ALG5: variants seen among roughly 807,000 people sequenced by gnomAD.
The protein encoded by ALG5 is dolichyl-phosphate beta-glucosyltransferase.
ALG5 carries 26 observed loss-of-function variants against 51.8 expected under a neutral mutation model. The ratio of observed to expected loss-of-function variants is 0.50; its 90% CI spans 0.37 to 0.70. The LOEUF is 0.70. Ranked by LOEUF, ALG5 falls within the 30% of genes least tolerant of loss-of-function variation. The pLI is 0.00. For missense variants in ALG5, 311 were observed against 399.3 expected (o/e 0.78, Z 1.88); for synonymous variants, 141 against 136.1 (o/e 1.04, Z -0.25).
intron 6 of ALG5, among the ~76,000 whole-genome samples, chr13:36,984,277 T>C (rs2058992512): frequency 6.6e-6 from 1 of 152,004 alleles, no homozygotes; most frequent in Non-Finnish European, 1.5e-5. Context: ...TTTTCTCTTA[T>C]TTTTACAGAG....
At chr13:36,983,944 A>G (rs1233946476) in intron 6 of ALG5, among the ~76,000 whole-genome samples, 1 of 151,972 alleles carries the variant, frequency 6.6e-6, no homozygotes, top group Non-Finnish European at 1.5e-5. Flanking sequence ...GGGGCCTTAT[A>G]TGTTTACCTT....
At chr13:36,980,237 T>C (rs1194117943) in intron 6 of ALG5, among the ~76,000 whole-genome samples, 2 of 151,900 alleles carry the variant, frequency 1.3e-5, no homozygotes, top group East Asian at 1.9e-4. Context: ...TTTGAAAAAA[T>C]TTTTTATTAT....
intron 5 of ALG5, among the ~76,000 whole-genome samples, chr13:36,988,874 G>A (rs2059013486): frequency 6.6e-6 from 1 of 152,016 alleles, no homozygotes; most frequent in Non-Finnish European, 1.5e-5. Context: ...TTTTATGAGG[G>A]AAAAATAAAT....
At chr13:36,963,450 C>A (rs1209862829) in intron 8 of ALG5, among the ~76,000 whole-genome samples, 1 of 150,854 alleles carries the variant, frequency 6.6e-6, no homozygotes, top group Non-Finnish European at 1.5e-5. Context: ...TTTCTAAATT[C>A]TTCCTTTCAA....
intron 4 of ALG5, among the ~76,000 whole-genome samples, chr13:36,993,072 A>T (rs758154398): frequency 3.9e-5 from 6 of 152,194 alleles, no homozygotes; most frequent in Non-Finnish European, 5.9e-5. Flanking sequence ...CAAGTGTCCA[A>T]TGTGGCTTTC....
chr13:36,954,181 G>C (rs2058830042), intron 8 of ALG5, among the ~76,000 whole-genome samples: 1 of 152,064 alleles, frequency 6.6e-6, no homozygotes, highest in African/African-American at 2.4e-5. Context: ...CAACCTCCCT[G>C]GACTCAGGTG....
intron 6 of ALG5, among the ~76,000 whole-genome samples, chr13:36,976,122 C>T (rs1178359898): frequency 6.6e-6 from 1 of 151,598 alleles, no homozygotes; most frequent in East Asian, 1.9e-4. Flanking sequence ...TTTAGCTATC[C>T]ATATTTTCTT....
chr13:36,985,187 C>T (rs1469803134), intron 6 of ALG5, among the ~76,000 whole-genome samples: 1 of 151,930 alleles, frequency 6.6e-6, no homozygotes, highest in Non-Finnish European at 1.5e-5. Flanking sequence ...CCTCAACCTC[C>T]ACTTTTTGAA....
intron 8 of ALG5, among the ~76,000 whole-genome samples, chr13:36,957,371 A>G (rs1036445327): frequency 1.3e-5 from 2 of 151,914 alleles, no homozygotes; most frequent in Non-Finnish European, 2.9e-5. Context: ...TGTAGGACAG[A>G]AAAGGCCCAA....
At chr13:36,959,306 T>TTAA in intron 8 of ALG5, among the ~76,000 whole-genome samples, 1 of 152,202 alleles carries the variant, frequency 6.6e-6, no homozygotes, top group Non-Finnish European at 1.5e-5. Context: ...GTGATTATAG[T>TTAA]TAATAATAAT....
intron 4 of ALG5, among the ~76,000 whole-genome samples, chr13:36,991,600 C>G (rs1428351965): frequency 6.6e-6 from 1 of 151,928 alleles, no homozygotes; most frequent in African/African-American, 2.4e-5. Flanking sequence ...ATTGGTCTAA[C>G]TCCTCTTTGC....
chr13:36,999,280 C>T lies in ALG5; in HGVS notation c.21G>A (p.Gln7=), dbSNP rs1593692666. The T allele has an allele frequency of 1.3e-6, 2 of 1,580,132 alleles. No homozygotes were observed. The highest frequency in any genetic ancestry group is 3.6e-5 in the Admixed American group (2 of 55,080). The change falls in exon 1 of 10, where the codon CAG becomes CAA. Residue 7 remains glutamine (Q), a synonymous_variant. Coordinates refer to ENST00000239891, the MANE Select transcript of ALG5 (RefSeq NM_013338.5). MAPLLL[Q]LAVLGAALAA... ...CCAGCGCCGCGCCGAGCACCGCCAG[C>T]TGCAACAGAAGCGGAGCCATTCTCC...
At chr13:36,956,344 G>A (rs2058839584) in intron 8 of ALG5, among the ~76,000 whole-genome samples, 1 of 152,196 alleles carries the variant, frequency 6.6e-6, no homozygotes, top group Admixed American at 6.5e-5. Flanking sequence ...CTGGTGAGGA[G>A]GTGGAGAAGT....
At chr13:36,974,997 G>T (rs1218067242) in intron 6 of ALG5, among the ~76,000 whole-genome samples, 1 of 152,202 alleles carries the variant, frequency 6.6e-6, no homozygotes, top group East Asian at 1.9e-4. Flanking sequence ...CACATCACAA[G>T]ATCAAGATAT....
At chr13:36,968,916 A>C (rs551360444) in intron 7 of ALG5, among the ~76,000 whole-genome samples, 16 of 152,250 alleles carry the variant, frequency 1.1e-4, no homozygotes, top group Non-Finnish European at 2.4e-4. Context: ...CCTACTGAGC[A>C]GTAGTTGTCA....
At chr13:36,978,293 T>G (rs1380207620) in intron 6 of ALG5, among the ~76,000 whole-genome samples, 1 of 150,454 alleles carries the variant, frequency 6.6e-6, no homozygotes, top group East Asian at 2.0e-4. Context: ...CTTCAAGAGA[T>G]TCTCCTATCT....
chr13:36,963,709 TA>T (rs1219403659), intron 8 of ALG5, among the ~76,000 whole-genome samples: 1 of 152,242 alleles, frequency 6.6e-6, no homozygotes, highest in African/African-American at 2.4e-5. Flanking sequence ...GTCTGAATGA[TA>T]ATTCTGAAAA....
intron 7 of ALG5, among the ~76,000 whole-genome samples, chr13:36,970,805 G>A (rs2058919198): frequency 6.6e-6 from 1 of 151,492 alleles, no homozygotes; most frequent in Non-Finnish European, 1.5e-5. Flanking sequence ...CAGCTTCTTG[G>A]GAGACTGAGG....
At position 36,967,833 on chromosome 13, in the gene ALG5, G is replaced by GA; in HGVS notation, c.622-2108dup. ...CTTAGGAAAGGAACAAATAGAAATTGAAAGATAGAAAAATAAAAATTAAAG... is the reference window on the plus strand; with the variant it reads ...CTTAGGAAAGGAACAAATAGAAATTGAAAAGATAGAAAAATAAAAATTAAAG... On this transcript the variant is annotated intron_variant, in intron 7 of 9. Transcript: ENST00000239891. 7 of 1,199,766 alleles carry GA rather than the reference G, an allele frequency of 5.8e-6. No homozygotes were observed. In the African/African-American group the frequency reaches 6.3e-5, roughly 11 times the overall value. 74.3% of individuals were successfully genotyped at this position (1,199,766 alleles called of 1,614,324 possible).
Sources: gnomAD v4.1 joint callset for allele counts (sites outside exome capture counted in the v4.1 genomes callset) on GRCh38, gnomAD v4.1.1 for gene constraint, MANE v1.5 for transcripts, NCBI Gene and HGNC (gene_info 2026-07-23, HGNC 2026-07-21) for gene names.